Variants in CFH observed in about 807,000 individuals in gnomAD.
CFH encodes complement factor H.
Under a neutral mutation model 147.3 loss-of-function variants are expected in CFH, and 53 were observed. The observed-to-expected ratio is 0.36, with a 90% confidence interval of 0.29 to 0.45. The LOEUF (loss-of-function observed/expected upper bound fraction) is 0.45. Ranked by LOEUF, CFH falls within the 20% of genes least tolerant of loss-of-function variation. The probability of loss-of-function intolerance (pLI) is 1.00; values close to 1 mark genes in which losing one functional copy is unlikely to be tolerated. For missense variants in CFH, 1,380 were observed against 1,498.0 expected, an observed-to-expected ratio of 0.92 and a Z score of 1.30; for synonymous variants, 536 against 489.4, an observed-to-expected ratio of 1.10 and a Z score of -1.26.
chr1:196,733,147 G>A (rs1050280536), intron 15 of CFH, among the ~76,000 whole-genome samples: 2 of 151,914 alleles, frequency 1.3e-5, no homozygotes, highest in African/African-American at 4.8e-5. Flanking sequence ...TTTATCATTG[G>A]GGCGAGACTC....
At chr1:196,710,800 C>G (rs1164746671) in intron 9 of CFH, among the ~76,000 whole-genome samples, 2 of 151,762 alleles carry the variant, frequency 1.3e-5, no homozygotes, top group Non-Finnish European at 2.9e-5. Context: ...TTTAAGCATA[C>G]AGATCCTGTA....
At chr1:196,698,503 G>A (rs114198985) in intron 9 of CFH, among the ~76,000 whole-genome samples, 19 of 151,880 alleles carry the variant, frequency 1.3e-4, no homozygotes, top group Admixed American at 2.0e-4. Context: ...ACACATACAC[G>A]CTCCCAACAC....
At chr1:196,677,257 T>A (rs1329423) in intron 4 of CFH, 1 of 475,348 alleles carries the variant, frequency 2.1e-6, no homozygotes, top group East Asian at 3.5e-5. Flanking sequence ...AGTAGTAATT[T>A]TCATTGTCCA....
intron 1 of CFH, among the ~76,000 whole-genome samples, chr1:196,662,942 A>T (rs1666958486): frequency 1.3e-5 from 2 of 151,872 alleles, no homozygotes; most frequent in African/African-American, 4.8e-5. Context: ...CTGTATATAG[A>T]ATTCTATATA....
At chr1:196,726,989 A>G (rs760864564) in intron 14 of CFH, 49 bp downstream of exon 14, 3 of 1,538,702 alleles carry the variant, frequency 1.9e-6, no homozygotes, top group East Asian at 4.5e-5. Context: ...TAATATTTTT[A>G]TTGTAACAAC....
At chr1:196,660,870 G>A (rs994191028) in intron 1 of CFH, among the ~76,000 whole-genome samples, 1 of 152,110 alleles carries the variant, frequency 6.6e-6, no homozygotes, top group Non-Finnish European at 1.5e-5. Context: ...GGGCACAAAC[G>A]TATCACCTGG....
At chr1:196,714,405 CA>C (rs1018895912) in intron 10 of CFH, among the ~76,000 whole-genome samples, 5 of 151,110 alleles carry the variant, frequency 3.3e-5, no homozygotes, top group African/African-American at 1.2e-4. Context: ...AGAAATTTTT[CA>C]TAAATATTTA....
In CFH at chr1:196,747,466, C is replaced by G. The variant is rs1173904320; in HGVS notation, c.*153C>G. The G allele has an allele frequency of 2.2e-6, 2 of 895,612 alleles. No homozygotes were observed. Among genetic ancestry groups the G allele is most frequent in the Admixed American group, 2.2e-5 (1 of 46,006 alleles). 55.5% of individuals were successfully genotyped at this position (895,612 alleles called of 1,614,324 possible). The stretch of plus-strand genomic sequence containing the variant: ...TAATTATAAGCTGAGACCGGTGGCT[C>G]TCTTCTTAAAAGCACCATATTAAAT... On this transcript the variant is annotated 3_prime_UTR_variant, in exon 22 of 22. Transcript: ENST00000367429.
intron 6 of CFH, among the ~76,000 whole-genome samples, chr1:196,683,040 G>A (rs1280307733): frequency 1.3e-5 from 2 of 151,328 alleles, no homozygotes; most frequent in Non-Finnish European, 3.0e-5. Context: ...TAGAGAAGAA[G>A]TAGAAAAATG....
At chr1:196,657,142 C>CT (rs1331330393) in intron 1 of CFH, among the ~76,000 whole-genome samples, 1 of 151,928 alleles carries the variant, frequency 6.6e-6, no homozygotes, top group Non-Finnish European at 1.5e-5. Context: ...TTTTTCTTTT[C>CT]TTTTTTCTTT....
chr1:196,692,779 T>TTTTTCTTTCCTTC (rs1668097313), intron 9 of CFH, among the ~76,000 whole-genome samples: 1 of 105,318 alleles, frequency 9.5e-6, no homozygotes, highest in African/African-American at 3.8e-5. Flanking sequence ...TCTTTCTTTC[T>TTTTTCTTTCCTTC]TTCTTTCTTT....
intron 4 of CFH, among the ~76,000 whole-genome samples, chr1:196,676,278 T>G (rs1413358668): frequency 2.0e-5 from 3 of 152,114 alleles, no homozygotes; most frequent in Non-Finnish European, 4.4e-5. Context: ...ATATAATAAT[T>G]GAAGTATTAG....
At chr1:196,689,844 T>A (rs1042609187) in intron 8 of CFH, among the ~76,000 whole-genome samples, 3 of 152,092 alleles carry the variant, frequency 2.0e-5, no homozygotes, top group African/African-American at 7.2e-5. Flanking sequence ...AATTTATACA[T>A]CTATTAATTA....
At chr1:196,686,668 T>C (rs1667840421) in intron 7 of CFH, among the ~76,000 whole-genome samples, 3 of 152,126 alleles carry the variant, frequency 2.0e-5, no homozygotes, top group African/African-American at 7.2e-5. Flanking sequence ...GTATGAAACA[T>C]TTCAGTGTGC....
At chr1:196,735,294 G>A (rs761441446) in intron 15 of CFH, among the ~76,000 whole-genome samples, 8 of 152,016 alleles carry the variant, frequency 5.3e-5, no homozygotes, top group South Asian at 2.1e-4. Context: ...TCTTGTGAAA[G>A]AATACTGGGA....
intron 10 of CFH, among the ~76,000 whole-genome samples, chr1:196,715,212 T>C (rs1004011185): frequency 6.6e-6 from 1 of 152,090 alleles, no homozygotes; most frequent in African/African-American, 2.4e-5. Context: ...TTTTTACATA[T>C]GTCTCAACTA....
chr1:196,695,645 A>C (rs75715809), intron 9 of CFH, among the ~76,000 whole-genome samples: 1 of 152,094 alleles, frequency 6.6e-6, no homozygotes, highest in East Asian at 1.9e-4. Context: ...TGAGGATGGA[A>C]TATTTTTCTA....
chr1:196,717,160 T>C (rs1426476961), intron 11 of CFH, among the ~76,000 whole-genome samples: 2 of 152,074 alleles, frequency 1.3e-5, no homozygotes, highest in African/African-American at 4.8e-5. Context: ...GAAAAGGTAG[T>C]GTAACAGATT....
chr1:196,743,886 T>C (rs915146034), intron 20 of CFH, among the ~76,000 whole-genome samples: 7 of 152,234 alleles, frequency 4.6e-5, no homozygotes, highest in Admixed American at 2.6e-4. Flanking sequence ...TAGTTCCTTC[T>C]CAGGAATACG....
Sources: allele counts gnomAD v4.1 joint callset (sites outside exome capture counted in the v4.1 genomes callset), GRCh38; gene constraint gnomAD v4.1.1; transcripts MANE v1.5; gene names NCBI Gene and HGNC (gene_info 2026-07-23, HGNC 2026-07-21).